Variants in TTC4 observed in about 807,000 individuals in gnomAD.
TTC4 encodes tetratricopeptide repeat domain 4, also known as hsp70/Hsp90 co-chaperone CNS1 homolog.
Under a neutral mutation model 51.9 loss-of-function variants are expected in TTC4, and 36 were observed. The observed-to-expected ratio is 0.69, with a 90% CI of 0.53 to 0.92. TTC4 has a LOEUF of 0.92. Among genes scored for constraint, TTC4 ranks in the 40% least tolerant of loss-of-function variants. TTC4 has a pLI of 0.00. For synonymous variants in TTC4, 144 were observed against 164.2 expected, an observed-to-expected ratio of 0.88 and a Z score of 0.94; for missense variants, 399 against 454.6, an observed-to-expected ratio of 0.88 and a Z score of 1.11.
chr1:54,723,856 A>ATG (rs1645771768), intron 5 of TTC4, among the ~76,000 whole-genome samples: 1 of 152,182 alleles, frequency 6.6e-6, no homozygotes, highest in Non-Finnish European at 1.5e-5. Flanking sequence ...TTTAGCTGTT[A>ATG]TGTGCCAGAA....
At chr1:54,722,425 T>A (rs1378064880) in intron 4 of TTC4, among the ~76,000 whole-genome samples, 1 of 152,218 alleles carries the variant, frequency 6.6e-6, no homozygotes, top group Non-Finnish European at 1.5e-5. Flanking sequence ...TTATAGCTTT[T>A]CCTACTTTAA....
At chr1:54,728,307 C>G in intron 5 of TTC4, 39 bp from the exon 6 acceptor site, 1 of 1,579,366 alleles carries the variant, frequency 6.3e-7, no homozygotes, top group Non-Finnish European at 8.7e-7. Flanking sequence ...AAGAGGAAGC[C>G]AGGTCTCTAG....
At chr1:54,721,109 T>A in intron 3 of TTC4, 54 bp from the exon 4 acceptor site, 1 of 1,558,578 alleles carries the variant, frequency 6.4e-7, no homozygotes, top group Admixed American at 1.7e-5. Flanking sequence ...TATAAAATTT[T>A]GGAAACATTT....
chr1:54,722,092 G>C (rs1435386686), intron 4 of TTC4, among the ~76,000 whole-genome samples: 2 of 151,900 alleles, frequency 1.3e-5, no homozygotes, highest in Non-Finnish European at 2.9e-5. Context: ...AAAACCTAAA[G>C]AGGCTAACTG....
intron 2 of TTC4, 98 bp from the exon 3 acceptor site, chr1:54,717,394 G>C (rs1645688802): frequency 1.8e-6 from 2 of 1,106,152 alleles, no homozygotes; most frequent in Admixed American, 8.0e-5. Context: ...TCTTCGCTTT[G>C]GTGTGTCATA....
At chr1:54,724,997 C>T (rs1416605382) in intron 5 of TTC4, among the ~76,000 whole-genome samples, 1 of 152,196 alleles carries the variant, frequency 6.6e-6, no homozygotes, top group African/African-American at 2.4e-5. Context: ...TCTCATCTCC[C>T]TCCTCTCCAG....
chr1:54,720,489 T>C lies in TTC4; in HGVS notation c.392-674T>C, dbSNP rs142652567. On this transcript the variant is annotated intron_variant, in intron 3 of 9. Coordinates refer to ENST00000371281, the MANE Select transcript of TTC4 (RefSeq NM_004623.5). ...AAATATATACATGTGTGTCTAGATA[T>C]TTAGTTTTTTTTTTTTTTTAAATAG... Among the ~76,000 whole-genome samples the C allele has an allele frequency of 3.2e-3, 466 of 146,158 alleles. 3 individuals are homozygous for C. The highest frequency in any genetic ancestry group is 0.011 in the African/African-American group (435 of 39,596).
rs775934250 is a variant in TTC4 at position 54,717,524 on chromosome 1, G to T, written c.262G>T (p.Asp88Tyr). Reference sequence around the variant, plus strand: ...CAAGACCTATAAAGATGAGGGCAATGATTACTTTAAAGAAAAAGACTACAA... The same window carrying T: ...CAAGACCTATAAAGATGAGGGCAATTATTACTTTAAAGAAAAAGACTACAA... ...QAKTYKDEGN[D>Y]YFKEKDYKKA... The change falls in exon 3 of 10, where the codon GAT becomes TAT. Residue 88 changes from aspartate (D) to tyrosine (Y), a missense_variant. Physicochemically the swap from Asp to Tyr is radical, Grantham distance 160 (BLOSUM62 -3). Coordinates refer to ENST00000371281, the MANE Select transcript of TTC4 (RefSeq NM_004623.5). 1.9e-6 allele frequency: 3 copies of T among 1,607,362 alleles called. No homozygotes were observed. Among genetic ancestry groups the T allele is most frequent in the Non-Finnish European group, 2.5e-6 (3 of 1,177,806 alleles).
rs371403281 is a variant in TTC4 at position 54,733,747 on chromosome 1, A to ATTTTTTT, written c.978+57_978+63dup. On this transcript the variant is annotated intron_variant, in intron 8 of 9. Transcript: ENST00000371281. ...TTTATTTCGTTCCTCTATGGAATTA[A>ATTTTTTT]TTTTTTTTTTTTTTTTTTTTTTTTT... 31 of 799,258 alleles carry ATTTTTTT rather than the reference A, an allele frequency of 3.9e-5. No individual in the cohort carries two copies. The African/African-American group carries it at 7.5e-4, about 19-fold the overall frequency. The allele number at this position is 799,258 out of a possible 1,614,324, so 49.5% of individuals were successfully genotyped here. A position where few individuals can be genotyped will look rare whatever the true frequency, so the allele number is the denominator to read the frequency against.
At chr1:54,730,709 T>C (rs904731959) in intron 6 of TTC4, among the ~76,000 whole-genome samples, 8 of 152,162 alleles carry the variant, frequency 5.3e-5, no homozygotes, top group African/African-American at 1.7e-4. Context: ...TTTATGCCCA[T>C]GTCTAGGAGA....
chr1:54,721,145 T>C lies in TTC4; in HGVS notation c.392-18T>C. The C allele has an allele frequency of 1.2e-6, 2 of 1,612,314 alleles. No individual in the cohort carries two copies. Among genetic ancestry groups the C allele is most frequent in the Non-Finnish European group, 1.7e-6 (2 of 1,178,800 alleles). ...TGATCTCAAAACTTCTCTCTTTTAC[T>C]AAACGGTGTTTTGTTAGGCAATTTT... On this transcript the variant is annotated intron_variant, in intron 3 of 9. Coordinates refer to ENST00000371281, the MANE Select transcript of TTC4 (RefSeq NM_004623.5).
rs199698067 is a variant in TTC4 at position 54,717,565 on chromosome 1, A to G, written c.303A>G (p.Ser101=). The G allele has an allele frequency of 1.2e-4, 190 of 1,611,698 alleles. 1 individual carries two copies. The Middle Eastern group carries it at 1.2e-3, about 10-fold the overall frequency. ...KEKDYKKAVI[S]YTEGLKKKCA... ...AAGACTACAAGAAAGCTGTAATTTC[A>G]TACACTGAAGGCTTAAAGAAGAAAT... is the stretch of plus-strand genomic sequence containing the variant. Residue 101 remains serine (S), a synonymous_variant, in exon 3 of 10, where the codon TCA becomes TCG. Coordinates refer to ENST00000371281, the MANE Select transcript of TTC4 (RefSeq NM_004623.5).
intron 7 of TTC4, 25 bp downstream of exon 7, chr1:54,731,725 T>C: frequency 6.2e-7 from 1 of 1,601,260 alleles, no homozygotes; most frequent in African/African-American, 1.3e-5. Context: ...AGGAGCCCTC[T>C]GCTTTTGCTT....
rs377496611 is a variant in TTC4 at position 54,737,665 on chromosome 1, G to A, written c.1061+1G>A. 11 of 1,612,182 alleles carry A rather than the reference G, an allele frequency of 6.8e-6. No individual in the cohort carries two copies. Among genetic ancestry groups the A allele is most frequent in the Non-Finnish European group, 9.3e-6 (11 of 1,179,926 alleles). ...TGCTACAGGTTCTACAGCACCAGAGGTGAGTCATCTCATGGCGCTGAGTAG... is the reference window on the plus strand; with the variant it reads ...TGCTACAGGTTCTACAGCACCAGAGATGAGTCATCTCATGGCGCTGAGTAG... On this transcript the variant is annotated splice_donor_variant, in intron 9 of 9. Transcript: ENST00000371281. LOFTEE classifies it high-confidence loss of function.
chr1:54,719,155 C>CT (rs1235205028), intron 3 of TTC4, among the ~76,000 whole-genome samples: 4 of 152,088 alleles, frequency 2.6e-5, no homozygotes, highest in Admixed American at 2.6e-4. Flanking sequence ...TCCAGTCCTC[C>CT]ACCTGGAGGA....
chr1:54,738,661 C>CTTTTT (rs567268643), intron 9 of TTC4, among the ~76,000 whole-genome samples: 2 of 138,828 alleles, frequency 1.4e-5, no homozygotes, highest in African/African-American at 2.8e-5. Context: ...CTAGGATGGC[C>CTTTTT]TTTTTTTTTT....
In TTC4 at chr1:54,731,548, A is replaced by G. The variant is rs1483254678; in HGVS notation, c.744A>G (p.Leu248=). The G allele has an allele frequency of 1.2e-6, 2 of 1,614,050 alleles. No individual in the cohort carries two copies. The highest frequency in any genetic ancestry group is 4.5e-5 in the East Asian group (2 of 44,868). Residue 248 remains leucine, a synonymous_variant, in exon 7 of 10, where the codon CTA becomes CTG. Transcript: ENST00000371281. ...ATGAAGATTCAGCCTCAGAAGGTCT[A>G]GGTGAGCTTTTCCTGGATGGACTCA... ...CEDEDSASEG[L]GELFLDGLST...
chr1:54,725,197 G>A (rs918022491), intron 5 of TTC4, among the ~76,000 whole-genome samples: 3 of 152,152 alleles, frequency 2.0e-5, no homozygotes, highest in African/African-American at 7.2e-5. Flanking sequence ...ACCTGACTTG[G>A]AGCTTACCCA....
intron 9 of TTC4, among the ~76,000 whole-genome samples, chr1:54,738,661 C>CTTTTTCTTT (rs1645976370): frequency 7.2e-6 from 1 of 138,828 alleles, no homozygotes. Flanking sequence ...CTAGGATGGC[C>CTTTTTCTTT]TTTTTTTTTT....
Sources: allele counts gnomAD v4.1 joint callset (sites outside exome capture counted in the v4.1 genomes callset), GRCh38; gene constraint gnomAD v4.1.1; transcripts MANE v1.5; gene names NCBI Gene and HGNC (gene_info 2026-07-23, HGNC 2026-07-21).